The following MAF variants were observed in gnomAD, a reference collection of about 807,000 sequenced individuals.
MAF encodes transcription factor Maf.
A neutral mutation model predicts 22.0 loss-of-function variants in MAF; 10 were observed. That is an observed-to-expected ratio of 0.45 (90% confidence interval 0.28 to 0.77). MAF has a LOEUF of 0.77. MAF is among the 30% of genes least tolerant of loss of function. The probability of loss-of-function intolerance (pLI) is 0.12; values close to 1 mark genes in which losing one functional copy is unlikely to be tolerated. For synonymous variants in MAF, 337 were observed against 255.8 expected (o/e 1.32, Z -3.03); for missense variants, 544 against 548.4 (o/e 0.99, Z 0.08).
At chr16:79,547,777 C>T in the MAF span, among the ~76,000 whole-genome samples, 2 of 152,078 alleles carry the variant, frequency 1.3e-5, no homozygotes, top group Admixed American at 6.5e-5. Context: ...GAAAATAAGT[C>T]CAATACTGGA....
the MAF span, among the ~76,000 whole-genome samples, chr16:79,363,838 A>C: frequency 2.0e-5 from 3 of 152,200 alleles, no homozygotes; most frequent in South Asian, 6.2e-4. Context: ...GAGAAGGAAC[A>C]AATATCTGGA....
At chr16:79,530,986 C>T in the MAF span, among the ~76,000 whole-genome samples, 1 of 152,160 alleles carries the variant, frequency 6.6e-6, no homozygotes, top group African/African-American at 2.4e-5. Context: ...GAGACTTGCC[C>T]TAGACTTGCC....
the MAF span, among the ~76,000 whole-genome samples, chr16:79,501,669 C>T: frequency 6.6e-6 from 1 of 152,160 alleles, no homozygotes; most frequent in Non-Finnish European, 1.5e-5. Context: ...CATCAAACAA[C>T]TGAAGTTATT....
chr16:79,425,077 T>A, the MAF span, among the ~76,000 whole-genome samples: 2 of 152,208 alleles, frequency 1.3e-5, no homozygotes, highest in Non-Finnish European at 2.9e-5. Context: ...TCGTAGCCTT[T>A]TTCCCCATAT....
At chr16:79,595,515 AG>A in intron 1 of MAF, 1 of 1,059,638 alleles carries the variant, frequency 9.4e-7, no homozygotes, top group East Asian at 5.2e-5. Flanking sequence ...TTGGTGTGCT[AG>A]GGGAAGATGA....
chr16:79,306,892 G>A, the MAF span, among the ~76,000 whole-genome samples: 16 of 152,106 alleles, frequency 1.1e-4, no homozygotes, highest in Non-Finnish European at 2.2e-4. Flanking sequence ...TGCATTACAG[G>A]GTTGTTTTGA....
At chr16:79,409,973 T>C in the MAF span, among the ~76,000 whole-genome samples, 1 of 152,178 alleles carries the variant, frequency 6.6e-6, no homozygotes, top group African/African-American at 2.4e-5. Context: ...ACTCCATACC[T>C]CTATATTTGA....
the MAF span, among the ~76,000 whole-genome samples, chr16:79,460,558 A>G: frequency 1.3e-5 from 2 of 152,040 alleles, no homozygotes; most frequent in Admixed American, 6.6e-5. Flanking sequence ...CTCTCTCCCT[A>G]TCAATTAGGG....
chr16:79,444,120 T>C, the MAF span, among the ~76,000 whole-genome samples: 3 of 152,104 alleles, frequency 2.0e-5, no homozygotes, highest in East Asian at 5.8e-4. Flanking sequence ...CATGATAGAA[T>C]ATTAAATGGG....
At chr16:79,400,951 A>G in the MAF span, among the ~76,000 whole-genome samples, 8 of 152,382 alleles carry the variant, frequency 5.2e-5, no homozygotes, top group African/African-American at 1.9e-4. Flanking sequence ...GAGAGGCATG[A>G]TAAACACAGC....
the MAF span, among the ~76,000 whole-genome samples, chr16:79,341,868 TG>T: frequency 6.6e-6 from 1 of 152,288 alleles, no homozygotes; most frequent in East Asian, 1.9e-4. Flanking sequence ...ATAAACTTGC[TG>T]GTGGATTGGA....
chr16:79,356,805 T>C, the MAF span, among the ~76,000 whole-genome samples: 1 of 152,214 alleles, frequency 6.6e-6, no homozygotes, highest in Non-Finnish European at 1.5e-5. Context: ...CTGTTGCTCT[T>C]GGGCCCCATA....
the MAF span, among the ~76,000 whole-genome samples, chr16:79,507,049 C>A: frequency 6.6e-6 from 1 of 151,742 alleles, no homozygotes. Flanking sequence ...CTGTCAACCT[C>A]TGCTGTTTGT....
At chr16:79,321,061 C>A in the MAF span, among the ~76,000 whole-genome samples, 1 of 152,262 alleles carries the variant, frequency 6.6e-6, no homozygotes, top group East Asian at 1.9e-4. Flanking sequence ...CACTTGGTAG[C>A]CCTTATTAGG....
chr16:79,236,709 C>T, the MAF span, among the ~76,000 whole-genome samples: 1 of 151,892 alleles, frequency 6.6e-6, no homozygotes, highest in Non-Finnish European at 1.5e-5. Context: ...CTTCTCCAGG[C>T]TCCGCTCCTT....
At chr16:79,386,806 C>T in the MAF span, among the ~76,000 whole-genome samples, 1 of 151,886 alleles carries the variant, frequency 6.6e-6, no homozygotes, top group Non-Finnish European at 1.5e-5. Flanking sequence ...TCCTTAGAGC[C>T]AAAAGAAGAC....
At chr16:79,350,318 A>G in the MAF span, among the ~76,000 whole-genome samples, 1 of 152,202 alleles carries the variant, frequency 6.6e-6, no homozygotes, top group Admixed American at 6.5e-5. Flanking sequence ...ACTGACTCAT[A>G]TAGAACAATC....
chr16:79,584,689 G>T (rs1166609366), downstream of MAF, among the ~76,000 whole-genome samples: 1 of 152,128 alleles, frequency 6.6e-6, no homozygotes, highest in African/African-American at 2.4e-5. Flanking sequence ...TAAAGCATCG[G>T]AACTGCATGC....
the MAF span, among the ~76,000 whole-genome samples, chr16:79,322,881 T>G: frequency 2.8e-4 from 43 of 152,038 alleles, 1 homozygote; most frequent in Non-Finnish European, 5.9e-4. Context: ...CCGGGTGCAG[T>G]GGCTCACGCC....
Sources: gnomAD v4.1 joint callset for allele counts (sites outside exome capture counted in the v4.1 genomes callset) on GRCh38, gnomAD v4.1.1 for gene constraint, MANE v1.5 for transcripts, NCBI Gene and HGNC (gene_info 2026-07-23, HGNC 2026-07-21) for gene names.